The following KCNT2 variants were observed in gnomAD, a reference collection of about 807,000 sequenced individuals.
The protein encoded by KCNT2 is potassium channel subfamily T member 2.
In KCNT2, 67 loss-of-function variants were observed where a neutral mutation model predicts 153.8. The observed-to-expected ratio is 0.44, with a 90% confidence interval of 0.36 to 0.53. The LOEUF is 0.53. KCNT2 is among the 20% of genes least tolerant of loss of function. KCNT2 has a pLI of 0.00. For synonymous variants in KCNT2, 500 were observed against 458.8 expected (o/e 1.09, Z -1.15); for missense variants, 975 against 1,354.8 (o/e 0.72, Z 4.40).
intron 1 of KCNT2, among the ~76,000 whole-genome samples, chr1:196,563,367 G>A (rs1659667713): frequency 6.7e-6 from 1 of 149,334 alleles, no homozygotes; most frequent in Admixed American, 6.7e-5. Context: ...ATCTGTTTGG[G>A]TTGCCACCTG....
intron 1 of KCNT2, among the ~76,000 whole-genome samples, chr1:196,551,872 T>G (rs909760862): frequency 2.0e-5 from 3 of 151,634 alleles, no homozygotes; most frequent in Non-Finnish European, 4.4e-5. Context: ...AAAAGAAACA[T>G]TCACTCTTCC....
intron 22 of KCNT2, among the ~76,000 whole-genome samples, chr1:196,303,740 T>A (rs1472835897): frequency 6.6e-6 from 1 of 152,108 alleles, no homozygotes; most frequent in Non-Finnish European, 1.5e-5. Context: ...TACGAAATAA[T>A]TTATCCAGTT....
intron 14 of KCNT2, among the ~76,000 whole-genome samples, 157 bp downstream of exon 14, chr1:196,372,983 C>A (rs1428942934): frequency 6.6e-6 from 1 of 151,848 alleles, no homozygotes; most frequent in Non-Finnish European, 1.5e-5. Context: ...TTTAACATGT[C>A]TTTATTTATC....
intron 1 of KCNT2, among the ~76,000 whole-genome samples, chr1:196,573,717 C>A (rs1343450466): frequency 6.6e-6 from 1 of 151,866 alleles, no homozygotes; most frequent in Admixed American, 6.6e-5. Context: ...GCTGAATGAG[C>A]TACCTCAGAA....
At position 196,608,332 on chromosome 1, in the gene KCNT2, A is replaced by G. The variant is rs761789102; in HGVS notation, c.-23T>C. On this transcript the variant is annotated 5_prime_UTR_variant, in exon 1 of 28. The change abolishes an upstream ATG in the 5' untranslated region. Transcript: ENST00000294725. ...CATCCTTCCTCAAAGAGTGGGAAAC[A>G]TCAAACAACAAATGGAGGAGAGGAG... 1 of 1,574,272 alleles carries G rather than the reference A, an allele frequency of 6.4e-7. No homozygotes were observed. Among genetic ancestry groups the G allele is most frequent in the Non-Finnish European group, 8.7e-7 (1 of 1,143,650 alleles).
intron 23 of KCNT2, among the ~76,000 whole-genome samples, chr1:196,285,163 T>C (rs1185190299): frequency 6.6e-6 from 1 of 152,140 alleles, no homozygotes; most frequent in Non-Finnish European, 1.5e-5. Context: ...ACTCAGTGGT[T>C]TTAGTTGTTG....
Position 196,458,682 on chromosome 1 carries a change from G to A in KCNT2, c.638+6611C>T, listed in dbSNP as rs192386735. 1.7e-3 allele frequency among the ~76,000 whole-genome samples: 255 copies of A among 151,948 alleles called. 1 individual carries two copies. The highest frequency in any genetic ancestry group is 5.8e-3 in the African/African-American group (241 of 41,504). On this transcript the variant is annotated intron_variant, in intron 8 of 27. Transcript: ENST00000294725. ...GTACAAATTTTTCAAGCTTTGGCAT[G>A]TTTTATAAGGAAAACATTAATTTGA...
chr1:196,419,818 T>C (rs1191207947), intron 12 of KCNT2, among the ~76,000 whole-genome samples: 1 of 152,076 alleles, frequency 6.6e-6, no homozygotes, highest in African/African-American at 2.4e-5. Flanking sequence ...CTTCCTCATA[T>C]GCCTTTTCCT....
intron 1 of KCNT2, among the ~76,000 whole-genome samples, chr1:196,578,120 G>C (rs1460815209): frequency 2.0e-5 from 3 of 151,990 alleles, no homozygotes; most frequent in Admixed American, 2.0e-4. Context: ...AAAGAAAAGT[G>C]CTATTGATAT....
chr1:196,352,672 AT>A (rs1185356183), intron 14 of KCNT2, among the ~76,000 whole-genome samples: 6 of 151,776 alleles, frequency 4.0e-5, no homozygotes, highest in South Asian at 2.1e-4. Context: ...GGATTCATTA[AT>A]TTTTTGAAGG....
intron 18 of KCNT2, among the ~76,000 whole-genome samples, chr1:196,330,622 C>T (rs571009368): frequency 6.6e-6 from 1 of 152,046 alleles, no homozygotes; most frequent in Admixed American, 6.6e-5. Flanking sequence ...AAAACTCTAG[C>T]ATTCTTAGAA....
At chr1:196,354,520 T>C (rs1444325199) in intron 14 of KCNT2, among the ~76,000 whole-genome samples, 2 of 151,816 alleles carry the variant, frequency 1.3e-5, no homozygotes, top group Non-Finnish European at 2.9e-5. Flanking sequence ...TAAAAGTGTT[T>C]ACATATATAT....
chr1:196,458,067 C>T (rs1227667063), intron 8 of KCNT2, among the ~76,000 whole-genome samples: 2 of 151,882 alleles, frequency 1.3e-5, no homozygotes, highest in Middle Eastern at 3.2e-3. Context: ...CAGCCCCAAC[C>T]TGCAACTGGG....
intron 20 of KCNT2, among the ~76,000 whole-genome samples, chr1:196,317,865 C>T (rs535639221): frequency 7.3e-5 from 11 of 151,532 alleles, no homozygotes; most frequent in Admixed American, 1.3e-4. Flanking sequence ...GGCAAATTAT[C>T]GTTACATATC....
chr1:196,508,368 C>T (rs549224884), intron 1 of KCNT2, among the ~76,000 whole-genome samples: 13 of 151,504 alleles, frequency 8.6e-5, no homozygotes, highest in Middle Eastern at 3.5e-3. Flanking sequence ...AGAAACAAAA[C>T]AAAAACAAAA....
chr1:196,352,123 A>C (rs1666762777), intron 14 of KCNT2, among the ~76,000 whole-genome samples: 2 of 151,790 alleles, frequency 1.3e-5, no homozygotes, highest in South Asian at 4.2e-4. Context: ...TTTATTGAGG[A>C]TTTTTGCATC....
intron 14 of KCNT2, among the ~76,000 whole-genome samples, chr1:196,349,594 A>ATTT (rs1666445530): frequency 1.3e-5 from 2 of 152,134 alleles, no homozygotes; most frequent in Admixed American, 1.3e-4. Flanking sequence ...TCCTAGCGGT[A>ATTT]CACCCTATAG....
intron 14 of KCNT2, among the ~76,000 whole-genome samples, chr1:196,368,905 C>T (rs1253519688): frequency 6.6e-6 from 1 of 152,088 alleles, no homozygotes; most frequent in Non-Finnish European, 1.5e-5. Flanking sequence ...ACCACTTTTC[C>T]TTCTGCCAAC....
intron 8 of KCNT2, among the ~76,000 whole-genome samples, chr1:196,444,295 G>T (rs183881988): frequency 6.6e-6 from 1 of 151,286 alleles, no homozygotes; most frequent in Non-Finnish European, 1.5e-5. Flanking sequence ...TCAGAAATCC[G>T]TTTCTAAATA....
Sources: gnomAD v4.1 joint callset for allele counts (sites outside exome capture counted in the v4.1 genomes callset) on GRCh38, gnomAD v4.1.1 for gene constraint, MANE v1.5 for transcripts, NCBI Gene and HGNC (gene_info 2026-07-23, HGNC 2026-07-21) for gene names.